The following CCDC192 variants were observed in gnomAD, a reference collection of about 807,000 sequenced individuals.
The protein encoded by CCDC192 is coiled-coil domain-containing protein 192.
At chr5:127,813,462 A>T (rs746856177) in intron 5 of CCDC192, among the ~76,000 whole-genome samples, 1 of 152,180 alleles carries the variant, frequency 6.6e-6, no homozygotes. Flanking sequence ...GTAACTGCTC[A>T]TCTGCAGTTT....
At chr5:127,798,838 C>T (rs1051828944) in intron 5 of CCDC192, among the ~76,000 whole-genome samples, 1 of 152,002 alleles carries the variant, frequency 6.6e-6, no homozygotes, top group Non-Finnish European at 1.5e-5. Flanking sequence ...TGCAAGTACT[C>T]GCCTGAGAGA....
At chr5:127,785,239 G>T in intron 3 of CCDC192, 1 of 513,704 alleles carries the variant, frequency 1.9e-6, no homozygotes, top group South Asian at 1.5e-5. Flanking sequence ...GGCATAGAAA[G>T]CTGTGAATTG....
chr5:127,770,619 G>A (rs1755494040), intron 3 of CCDC192, among the ~76,000 whole-genome samples: 1 of 152,106 alleles, frequency 6.6e-6, no homozygotes, highest in African/African-American at 2.4e-5. Flanking sequence ...ATTAGGGATG[G>A]TACATTATTT....
In CCDC192 at chr5:127,703,456, G is replaced by A. The variant is rs1750790576; in HGVS notation, c.11G>A (p.Cys4Tyr). The change falls in exon 1 of 7, where the codon TGC (cysteine) becomes TAC (tyrosine). Residue 4 changes from cysteine (C) to tyrosine (Y), a missense_variant. Physicochemically the swap from Cys to Tyr is radical, Grantham distance 194. Coordinates refer to ENST00000514853, the MANE Select transcript of CCDC192 (RefSeq NM_001317938.2). The stretch of plus-strand genomic sequence containing the variant: ...TGGGTCTGGCTTGAGATGGGACAAT[G>A]CTATAGCAAGAAATCTGTGGTCCCA... MGQCYSKKSVVPES... is the reference protein window; with the variant it reads MGQYYSKKSVVPES... 1.0e-5 allele frequency: 4 copies of A among 399,028 alleles called. No individual in the cohort carries two copies. In the East Asian group the frequency reaches 1.4e-4, roughly 14 times the overall value. 24.7% of individuals were successfully genotyped at this position (399,028 alleles called of 1,614,324 possible).
intron 6 of CCDC192, among the ~76,000 whole-genome samples, chr5:127,934,468 T>G (rs1470842453): frequency 1.3e-5 from 2 of 152,350 alleles, no homozygotes; most frequent in African/African-American, 4.8e-5. Context: ...AACACGTGCC[T>G]ACTTCAGATG....
chr5:127,767,096 T>TAG (rs1561476534), intron 3 of CCDC192, among the ~76,000 whole-genome samples: 1 of 152,122 alleles, frequency 6.6e-6, no homozygotes, highest in Non-Finnish European at 1.5e-5. Flanking sequence ...AACTGGAAAG[T>TAG]AGAGAGTCAG....
Position 127,889,407 on chromosome 5 carries a change from C to CTT in CCDC192, c.535+13758_535+13759dup, listed in dbSNP as rs5871279. Among the ~76,000 whole-genome samples, 514 of 128,894 alleles carry CTT rather than the reference C, an allele frequency of 4.0e-3. 4 individuals are homozygous for CTT. The highest frequency in any genetic ancestry group is 0.014 in the African/African-American group (481 of 34,436). The allele number at this position is 128,894 out of a possible 152,430, so 84.6% of individuals were successfully genotyped here. A position where few individuals can be genotyped will look rare whatever the true frequency, so the allele number is the denominator to read the frequency against. On this transcript the variant is annotated intron_variant, in intron 6 of 6. Coordinates refer to ENST00000514853, the MANE Select transcript of CCDC192 (RefSeq NM_001317938.2). ...TCCTTTTCTTTTCTTTTCTTTCTTT[C>CTT]TTTTTTTTTTTTTGAGACAGAGTCT...
chr5:127,759,755 TCACA>T (rs1186694477), intron 3 of CCDC192, among the ~76,000 whole-genome samples: 3 of 152,018 alleles, frequency 2.0e-5, no homozygotes, highest in African/African-American at 7.2e-5. Flanking sequence ...TCTTTCTTTC[TCACA>T]CACACACACT....
At chr5:127,778,726 C>CTTT (rs144798902) in intron 3 of CCDC192, among the ~76,000 whole-genome samples, 4,365 of 151,996 alleles carry the variant, frequency 0.029, 192 homozygotes, top group African/African-American at 0.099. Flanking sequence ...TGGCTCTGGG[C>CTTT]TTTTCTTTGT....
intron 6 of CCDC192, among the ~76,000 whole-genome samples, chr5:127,880,324 C>T (rs1486590580): frequency 6.6e-6 from 1 of 151,736 alleles, no homozygotes; most frequent in Non-Finnish European, 1.5e-5. Context: ...AAATTGGAAA[C>T]CATCATTCTC....
intron 2 of CCDC192, among the ~76,000 whole-genome samples, chr5:127,730,979 C>CA (rs1752609334): frequency 6.6e-6 from 1 of 152,114 alleles, no homozygotes; most frequent in African/African-American, 2.4e-5. Context: ...CCTCTCTCAC[C>CA]ACTCCTATTC....
intron 5 of CCDC192, among the ~76,000 whole-genome samples, chr5:127,813,609 A>G (rs1408556204): frequency 6.6e-6 from 1 of 152,148 alleles, no homozygotes; most frequent in Non-Finnish European, 1.5e-5. Flanking sequence ...GACCTGGAAG[A>G]GTTTGCTTGA....
chr5:127,890,292 A>G (rs558583533), intron 6 of CCDC192, among the ~76,000 whole-genome samples: 1 of 152,146 alleles, frequency 6.6e-6, no homozygotes, highest in South Asian at 2.1e-4. Flanking sequence ...TGGGAGGATC[A>G]CTTGAGCCTG....
intron 6 of CCDC192, among the ~76,000 whole-genome samples, chr5:127,882,584 C>T (rs769771281): frequency 5.3e-5 from 8 of 152,120 alleles, no homozygotes; most frequent in Non-Finnish European, 1.0e-4. Flanking sequence ...CACTTTAAAA[C>T]GGTTAACGTG....
At chr5:127,832,368 G>A (rs1749837749) in intron 5 of CCDC192, among the ~76,000 whole-genome samples, 1 of 152,176 alleles carries the variant, frequency 6.6e-6, no homozygotes, top group African/African-American at 2.4e-5. Flanking sequence ...TCCTCTATCT[G>A]TGCAATCCCA....
intron 5 of CCDC192, among the ~76,000 whole-genome samples, chr5:127,821,234 T>A (rs1749275303): frequency 6.6e-6 from 1 of 152,228 alleles, no homozygotes; most frequent in Non-Finnish European, 1.5e-5. Context: ...TGATGTTAGA[T>A]CAACCAGTTC....
intron 3 of CCDC192, among the ~76,000 whole-genome samples, chr5:127,774,835 G>A (rs921450494): frequency 5.9e-5 from 9 of 152,178 alleles, no homozygotes; most frequent in Non-Finnish European, 1.2e-4. Flanking sequence ...TCTGTAGGTT[G>A]CTTTGAGGCA....
chr5:127,719,556 TATACACACATAC>T (rs1478503801), intron 2 of CCDC192, among the ~76,000 whole-genome samples: 1,078 of 17,622 alleles, frequency 0.061, 67 homozygotes, highest in East Asian at 0.16. Flanking sequence ...TATATATATA[TATACACACATAC>T]ATATATATAT....
At chr5:127,823,484 T>C (rs1335303292) in intron 5 of CCDC192, among the ~76,000 whole-genome samples, 3 of 152,234 alleles carry the variant, frequency 2.0e-5, no homozygotes, top group Non-Finnish European at 4.4e-5. Context: ...ACTTATTCAA[T>C]TTCCCACACT....
Sources: allele counts gnomAD v4.1 joint callset (sites outside exome capture counted in the v4.1 genomes callset), GRCh38; gene constraint gnomAD v4.1.1; transcripts MANE v1.5; gene names NCBI Gene and HGNC (gene_info 2026-07-23, HGNC 2026-07-21).